STX6: variants seen among roughly 807,000 people sequenced by gnomAD.
The protein encoded by STX6 is syntaxin 6.
Under a neutral mutation model 38.0 loss-of-function variants are expected in STX6, and 23 were observed. That is an observed-to-expected ratio of 0.60 (90% CI 0.43 to 0.86). The LOEUF is 0.86. Among genes scored for constraint, STX6 ranks in the 40% least tolerant of loss-of-function variants. The pLI, the probability that STX6 is intolerant of heterozygous loss-of-function variation, is 0.00. For missense variants in STX6, 274 were observed against 312.9 expected, an observed-to-expected ratio of 0.88 and a Z score of 0.94; for synonymous variants, 123 against 107.5, an observed-to-expected ratio of 1.14 and a Z score of -0.89.
chr1:181,005,880 G>A (rs1032520069), intron 1 of STX6, among the ~76,000 whole-genome samples: 2 of 152,034 alleles, frequency 1.3e-5, no homozygotes, highest in African/African-American at 4.8e-5. Flanking sequence ...TCTTTTCTTG[G>A]TGTGGGAGGA....
In STX6 at chr1:180,976,479, A is replaced by G; in HGVS notation, c.*91T>C. Reference sequence around the variant, plus strand: ...GCAGCAGTATGTTTCCAGGATAGGAATGTGAGTAGACGGCAATGTCACACG... The same window carrying G: ...GCAGCAGTATGTTTCCAGGATAGGAGTGTGAGTAGACGGCAATGTCACACG... On this transcript the variant is annotated 3_prime_UTR_variant, in exon 8 of 8. Transcript: ENST00000258301. The G allele has an allele frequency of 4.5e-6, 5 of 1,100,384 alleles. No individual in the cohort carries two copies. The South Asian group carries it at 6.3e-5, about 14-fold the overall frequency. 68.2% of individuals were successfully genotyped at this position (1,100,384 alleles called of 1,614,324 possible).
At chr1:180,987,736 TTTTA>T (rs1158689868) in intron 6 of STX6, 1 of 152,178 alleles carries the variant, frequency 6.6e-6, no homozygotes, top group African/African-American at 2.4e-5. Flanking sequence ...TATGTTTTGT[TTTTA>T]TTTATTTTTC....
intron 1 of STX6, among the ~76,000 whole-genome samples, chr1:181,017,489 T>C (rs981441855): frequency 2.1e-4 from 32 of 152,330 alleles, no homozygotes; most frequent in Admixed American, 2.0e-3. Flanking sequence ...TATTTGTACC[T>C]TTTATCCACA....
intron 1 of STX6, among the ~76,000 whole-genome samples, chr1:181,016,703 A>ATG: frequency 6.6e-6 from 1 of 152,342 alleles, no homozygotes; most frequent in South Asian, 2.1e-4. Context: ...AGAGAAGGTT[A>ATG]AAGAACACAA....
chr1:181,008,253 G>A (rs1056262500), intron 1 of STX6, among the ~76,000 whole-genome samples: 6 of 152,140 alleles, frequency 3.9e-5, no homozygotes, highest in Non-Finnish European at 8.8e-5. Context: ...TCATTAGGGC[G>A]CTTTGTTTCC....
Position 181,006,212 on chromosome 1 carries a change from G to A in STX6, c.36-749C>T, listed in dbSNP as rs551755499. On this transcript the variant is annotated intron_variant, in intron 1 of 7. Transcript: ENST00000258301. Reference sequence around the variant, plus strand: ...CGAGTAGCTGGGATTACAGGTGCCCGCCACCACGCCTGGCTAATTTTTGTA... The same window carrying A: ...CGAGTAGCTGGGATTACAGGTGCCCACCACCACGCCTGGCTAATTTTTGTA... Among the ~76,000 whole-genome samples the A allele has an allele frequency of 9.4e-3, 1,424 of 151,894 alleles. 20 individuals are homozygous for A. The highest frequency in any genetic ancestry group is 0.033 in the African/African-American group (1,364 of 41,392).
rs1558087978 is a variant in STX6, at chr1:180,984,727, CGGGA to C, written c.637_640del (p.Ser213GlyfsTer5). Reference sequence around the variant, plus strand: ...AAGTTTCTTCATCACATTGTCCAGCCGGGACTGAGTGCTCTCCAATTCGTGAGAG... The same window carrying C: ...AAGTTTCTTCATCACATTGTCCAGCCCTGAGTGCTCTCCAATTCGTGAGAG... On this transcript the variant is annotated frameshift_variant, in exon 7 of 8. Transcript: ENST00000258301. LOFTEE classifies it high-confidence loss of function. 1 of 1,598,888 alleles carries C rather than the reference CGGGA, an allele frequency of 6.3e-7. No individual in the cohort carries two copies. The highest frequency in any genetic ancestry group is 1.7e-5 in the Admixed American group (1 of 59,894).
At chr1:181,021,369 A>G (rs1216896857) in intron 1 of STX6, among the ~76,000 whole-genome samples, 1 of 152,216 alleles carries the variant, frequency 6.6e-6, no homozygotes, top group Non-Finnish European at 1.5e-5. Flanking sequence ...GCATTTTCCC[A>G]TCTAAATTAG....
intron 3 of STX6, among the ~76,000 whole-genome samples, chr1:180,997,424 G>C (rs779152311): frequency 3.9e-5 from 6 of 152,054 alleles, no homozygotes; most frequent in Non-Finnish European, 7.3e-5. Context: ...AATTGGGTTT[G>C]TGACTCTACT....
At chr1:180,978,501 T>C (rs1264086009) in intron 7 of STX6, among the ~76,000 whole-genome samples, 1 of 152,154 alleles carries the variant, frequency 6.6e-6, no homozygotes, top group Non-Finnish European at 1.5e-5. Flanking sequence ...CCCCCACACT[T>C]CTGTGGGTTT....
chr1:181,011,109 T>C (rs1456877159), intron 1 of STX6, among the ~76,000 whole-genome samples: 1 of 152,250 alleles, frequency 6.6e-6, no homozygotes, highest in Admixed American at 6.5e-5. Context: ...ACCAGCAACT[T>C]GGCTTATTCC....
chr1:180,980,206 C>CAAAAAAAA (rs56336455), intron 7 of STX6, among the ~76,000 whole-genome samples: 2 of 88,248 alleles, frequency 2.3e-5, no homozygotes, highest in Non-Finnish European at 2.2e-5. Context: ...GACTCTGTCT[C>CAAAAAAAA]AAAAAAAAAA....
chr1:180,974,791 C>T lies in STX6; in HGVS notation c.*1779G>A, dbSNP rs1378517104. On this transcript the variant is annotated 3_prime_UTR_variant, in exon 8 of 8. Transcript: ENST00000258301. The stretch of plus-strand genomic sequence containing the variant: ...TAAACATCTGAAGCCCTTTGTAATA[C>T]TCACTGTTTTTTCCTAATTTGAAAA... The T allele has an allele frequency of 1.3e-5, 2 of 152,564 alleles. No homozygotes were observed. Among genetic ancestry groups the T allele is most frequent in the African/African-American group, 4.8e-5 (2 of 41,444 alleles). The allele number at this position is 152,564 out of a possible 1,614,324, so 9.5% of individuals were successfully genotyped here. A position where few individuals can be genotyped will look rare whatever the true frequency, so the allele number is the denominator to read the frequency against.
At chr1:181,001,894 AC>A (rs1234305598) in intron 3 of STX6, among the ~76,000 whole-genome samples, 1 of 152,230 alleles carries the variant, frequency 6.6e-6, no homozygotes, top group Non-Finnish European at 1.5e-5. Flanking sequence ...AATAAGCCTG[AC>A]AGGCTGGGCA....
rs777447048 is a variant in STX6 at position 180,976,680 on chromosome 1, G to A, written c.692-34C>T. 717 of 1,590,380 alleles carry A rather than the reference G, an allele frequency of 4.5e-4. 1 individual carries two copies. Among genetic ancestry groups the A allele is most frequent in the Non-Finnish European group, 5.5e-4 (640 of 1,160,662 alleles). On this transcript the variant is annotated intron_variant, in intron 7 of 7. Coordinates refer to ENST00000258301, the MANE Select transcript of STX6 (RefSeq NM_005819.6). Reference sequence around the variant, plus strand: ...CAGGACATGGGGATTAGCTCTCACAGGGACTCCACATTCCCCAAGATACAG... The same window carrying A: ...CAGGACATGGGGATTAGCTCTCACAAGGACTCCACATTCCCCAAGATACAG...
rs139287560 is a variant in STX6 at position 180,999,003 on chromosome 1, C to G, written c.300+3603G>C. ...GAATGAGACATCATAAACCCCAGTG[C>G]TTCCCACTCATAATTCTTACATTTC... On this transcript the variant is annotated intron_variant, in intron 3 of 7. Transcript: ENST00000258301. Among the ~76,000 whole-genome samples the G allele has an allele frequency of 5.5e-4, 84 of 152,342 alleles. 1 individual carries two copies. Among genetic ancestry groups the G allele is most frequent in the Admixed American group, 4.4e-3 (68 of 15,304 alleles).
At chr1:180,998,736 C>T (rs1005986472) in intron 3 of STX6, among the ~76,000 whole-genome samples, 3 of 152,228 alleles carry the variant, frequency 2.0e-5, no homozygotes, top group Non-Finnish European at 4.4e-5. Flanking sequence ...TAGCAGATAC[C>T]ACACAACACC....
chr1:180,980,004 C>G (rs187026583), intron 7 of STX6, among the ~76,000 whole-genome samples: 1 of 152,172 alleles, frequency 6.6e-6, no homozygotes, highest in Admixed American at 6.5e-5. Flanking sequence ...GTTAGGAGTT[C>G]AAGACCAGCC....
intron 1 of STX6, 95 bp downstream of exon 1, chr1:181,022,544 T>A: frequency 2.3e-6 from 3 of 1,314,672 alleles, no homozygotes; most frequent in Non-Finnish European, 2.1e-6. Context: ...CAGCTCCAAC[T>A]TGCCTCCCCT....
Sources: allele counts gnomAD v4.1 joint callset (sites outside exome capture counted in the v4.1 genomes callset), GRCh38; gene constraint gnomAD v4.1.1; transcripts MANE v1.5; gene names NCBI Gene and HGNC (gene_info 2026-07-23, HGNC 2026-07-21).